The following EPHA6 variants were observed in gnomAD, a reference collection of about 807,000 sequenced individuals.
EPHA6 encodes ephrin type-A receptor 6.
In EPHA6, 50 loss-of-function variants were observed where a neutral mutation model predicts 112.0. The ratio of observed to expected loss-of-function variants is 0.45; its 90% confidence interval spans 0.36 to 0.56. The LOEUF (loss-of-function observed/expected upper bound fraction) is 0.56. Among genes scored for constraint, EPHA6 ranks in the 20% least tolerant of loss-of-function variants. The pLI is 0.00. For synonymous variants in EPHA6, 529 were observed against 490.7 expected, an observed-to-expected ratio of 1.08 and a Z score of -1.03; for missense variants, 1,280 against 1,417.4, an observed-to-expected ratio of 0.90 and a Z score of 1.56.
intron 5 of EPHA6, among the ~76,000 whole-genome samples, chr3:97,276,060 G>A (rs984245553): frequency 8.5e-5 from 13 of 152,064 alleles, no homozygotes; most frequent in East Asian, 3.9e-4. Context: ...AAGCCTGGCC[G>A]TCAATACCCA....
chr3:97,327,777 G>A (rs529980224), intron 5 of EPHA6, among the ~76,000 whole-genome samples: 3 of 150,552 alleles, frequency 2.0e-5, no homozygotes, highest in South Asian at 2.1e-4. Flanking sequence ...GAGGTTCATC[G>A]AAGTTGTAGC....
At chr3:96,906,748 A>C (rs1048980792) in intron 2 of EPHA6, among the ~76,000 whole-genome samples, 1 of 151,972 alleles carries the variant, frequency 6.6e-6, no homozygotes, top group African/African-American at 2.4e-5. Context: ...TAATAGGTGG[A>C]GTTTTTAAGA....
At chr3:97,227,829 C>T (rs755396277) in intron 4 of EPHA6, among the ~76,000 whole-genome samples, 22 of 152,202 alleles carry the variant, frequency 1.4e-4, no homozygotes, top group African/African-American at 5.3e-4. Context: ...AAGCAGAGGA[C>T]GTAGAAACCC....
intron 14 of EPHA6, among the ~76,000 whole-genome samples, chr3:97,643,806 C>A (rs974526701): frequency 5.3e-5 from 8 of 151,110 alleles, no homozygotes; most frequent in African/African-American, 4.9e-5. Context: ...GAGTGACCTG[C>A]AAAGAGACTT....
chr3:97,252,432 C>A (rs965892262), intron 5 of EPHA6, among the ~76,000 whole-genome samples: 1 of 152,108 alleles, frequency 6.6e-6, no homozygotes, highest in African/African-American at 2.4e-5. Flanking sequence ...CACACACACG[C>A]GCGCGCACGC....
At chr3:97,589,065 C>A (rs1250520028) in intron 11 of EPHA6, among the ~76,000 whole-genome samples, 1 of 151,980 alleles carries the variant, frequency 6.6e-6, no homozygotes, top group South Asian at 2.1e-4. Flanking sequence ...GCCTGGGAGC[C>A]TCATGTGGCC....
rs567368296 is a variant in EPHA6 at position 96,830,777 on chromosome 3, G to A, written c.385+15769G>A. 4.6e-5 allele frequency among the ~76,000 whole-genome samples: 7 copies of A among 151,630 alleles called. No individual in the cohort carries two copies. In the South Asian group the frequency reaches 1.5e-3, roughly 31 times the overall value. ...TGGAGAACAATTCTTAGGGGTAAGG[G>A]GAAATGGGGGGGACATTGATCACAG... On this transcript the variant is annotated intron_variant, in intron 1 of 17. Coordinates refer to ENST00000389672, the MANE Select transcript of EPHA6 (RefSeq NM_001080448.3).
At chr3:96,831,697 A>G (rs2034091620) in intron 1 of EPHA6, among the ~76,000 whole-genome samples, 1 of 152,054 alleles carries the variant, frequency 6.6e-6, no homozygotes. Context: ...GGTTTGAGAA[A>G]CCCTGACTTG....
At chr3:97,506,479 G>C in intron 10 of EPHA6, among the ~76,000 whole-genome samples, 1 of 152,198 alleles carries the variant, frequency 6.6e-6, no homozygotes, top group South Asian at 2.1e-4. Flanking sequence ...GCTTGTCAAA[G>C]AACAGATGGC....
At chr3:97,253,137 A>G in intron 5 of EPHA6, among the ~76,000 whole-genome samples, 1 of 152,222 alleles carries the variant, frequency 6.6e-6, no homozygotes, top group East Asian at 1.9e-4. Flanking sequence ...TATCTGATTC[A>G]ATATACATTT....
chr3:97,428,913 T>A (rs1035072445), intron 6 of EPHA6, among the ~76,000 whole-genome samples: 1 of 152,176 alleles, frequency 6.6e-6, no homozygotes, highest in African/African-American at 2.4e-5. Context: ...TACCCAATCC[T>A]CCTTCTTTAA....
intron 3 of EPHA6, among the ~76,000 whole-genome samples, chr3:97,105,154 TTTA>T (rs2047527550): frequency 6.6e-6 from 1 of 152,032 alleles, no homozygotes; most frequent in Admixed American, 6.6e-5. Context: ...TCTGAATTTG[TTTA>T]TTATCTTTTG....
chr3:97,024,431 G>A (rs192746212), intron 3 of EPHA6, among the ~76,000 whole-genome samples: 4 of 152,136 alleles, frequency 2.6e-5, no homozygotes, highest in Non-Finnish European at 5.9e-5. Flanking sequence ...TAGAATTAAT[G>A]CACATACCCT....
intron 5 of EPHA6, among the ~76,000 whole-genome samples, chr3:97,291,154 T>C (rs1175630827): frequency 6.6e-6 from 1 of 152,204 alleles, no homozygotes. Context: ...TGGGAGCATG[T>C]TGTTTAATTT....
intron 5 of EPHA6, among the ~76,000 whole-genome samples, chr3:97,399,229 C>T (rs905958213): frequency 6.6e-6 from 1 of 151,550 alleles, no homozygotes; most frequent in African/African-American, 2.4e-5. Context: ...TTTCACTTAA[C>T]ATAATGGCCT....
intron 3 of EPHA6, among the ~76,000 whole-genome samples, chr3:97,033,139 G>T (rs897939870): frequency 6.6e-6 from 1 of 151,958 alleles, no homozygotes; most frequent in Non-Finnish European, 1.5e-5. Flanking sequence ...ATTATGAGGA[G>T]GCTGCTGGAG....
intron 1 of EPHA6, among the ~76,000 whole-genome samples, chr3:96,855,788 A>G (rs148470327): frequency 5.3e-5 from 8 of 152,180 alleles, no homozygotes; most frequent in Admixed American, 3.9e-4. Flanking sequence ...GAGCAACTGA[A>G]GTAGAATAAA....
intron 4 of EPHA6, among the ~76,000 whole-genome samples, chr3:97,230,526 A>G (rs2078492770): frequency 6.6e-6 from 1 of 152,160 alleles, no homozygotes; most frequent in Non-Finnish European, 1.5e-5. Context: ...TAATTCTGTC[A>G]TGGCTGGGCA....
chr3:97,512,952 T>TG (rs1310647420), intron 10 of EPHA6, among the ~76,000 whole-genome samples: 2 of 152,206 alleles, frequency 1.3e-5, no homozygotes, highest in East Asian at 3.8e-4. Flanking sequence ...GGGTAAATGA[T>TG]ATTCTCCCAT....
Sources: gnomAD v4.1 joint callset for allele counts (sites outside exome capture counted in the v4.1 genomes callset) on GRCh38, gnomAD v4.1.1 for gene constraint, MANE v1.5 for transcripts, NCBI Gene and HGNC (gene_info 2026-07-23, HGNC 2026-07-21) for gene names.